Variants in ALG8 observed in about 807,000 individuals in gnomAD.
The protein encoded by ALG8 is ALG8 alpha-1,3-glucosyltransferase, also known as dolichyl pyrophosphate Glc1Man9GlcNAc2 alpha-1,3-glucosyltransferase.
A neutral mutation model predicts 70.2 loss-of-function variants in ALG8; 48 were observed. That is an observed-to-expected ratio of 0.68 (90% CI 0.54 to 0.87). The LOEUF is 0.87. ALG8 is among the 40% of genes least tolerant of loss of function. The pLI, the probability that ALG8 is intolerant of heterozygous loss-of-function variation, is 0.00. For missense variants in ALG8, 572 were observed against 608.7 expected (o/e 0.94, Z 0.64); for synonymous variants, 234 against 229.0 (o/e 1.02, Z -0.20).
chr11:78,105,954 C>T (rs777693749), intron 10 of ALG8, among the ~76,000 whole-genome samples: 16 of 151,994 alleles, frequency 1.1e-4, no homozygotes, highest in Non-Finnish European at 1.6e-4. Flanking sequence ...AGTGAACCAC[C>T]GCTTCAGCCT....
intron 5 of ALG8, among the ~76,000 whole-genome samples, chr11:78,115,727 T>G (rs1860532683): frequency 6.6e-6 from 1 of 152,200 alleles, no homozygotes; most frequent in Admixed American, 6.6e-5. Flanking sequence ...ATAAATTCAC[T>G]ATTCCAACAA....
At chr11:78,129,736 C>T (rs1861225608) in intron 1 of ALG8, among the ~76,000 whole-genome samples, 1 of 152,162 alleles carries the variant, frequency 6.6e-6, no homozygotes, top group Non-Finnish European at 1.5e-5. Flanking sequence ...GAAATTTGTG[C>T]TTGTATATTC....
chr11:78,107,257 G>A (rs754723353), intron 9 of ALG8, among the ~76,000 whole-genome samples: 1 of 147,290 alleles, frequency 6.8e-6, no homozygotes, highest in African/African-American at 2.5e-5. Flanking sequence ...GTCTCGCTTT[G>A]TTGCCAAGGC....
In ALG8 at chr11:78,119,257, T is replaced by G. The variant is rs978122618; in HGVS notation, c.479-8A>C. ...TGTACTGAAAATGAATATCTGGACT[T>G]AGGTCAAGGAAAGACAACAGAGGAC... is the stretch of plus-strand genomic sequence containing the variant. On this transcript the variant is annotated splice_region_variant and splice_polypyrimidine_tract_variant and intron_variant, in intron 4 of 12. Coordinates refer to ENST00000299626, the MANE Select transcript of ALG8 (RefSeq NM_024079.5). 3 of 1,606,864 alleles carry G rather than the reference T, an allele frequency of 1.9e-6. No individual in the cohort carries two copies. The highest frequency in any genetic ancestry group is 2.6e-6 in the Non-Finnish European group (3 of 1,173,698).
intron 1 of ALG8, among the ~76,000 whole-genome samples, chr11:78,132,158 T>C (rs682799): frequency 0.22 from 33,162 of 152,170 alleles, 4,471 homozygotes; most frequent in African/African-American, 0.38. Context: ...CCCTGTCATG[T>C]AGCCAGTATG....
intron 1 of ALG8, among the ~76,000 whole-genome samples, chr11:78,131,909 C>T (rs569247122): frequency 2.0e-5 from 3 of 152,336 alleles, no homozygotes; most frequent in East Asian, 1.9e-4. Flanking sequence ...TTCTAAATCA[C>T]GAATGTTATA....
In ALG8 at chr11:78,114,346, A is replaced by G; in HGVS notation, c.593T>C (p.Phe198Ser). ...GAFLFAVLLH[F>S]KHIYLYVAPA... Reference sequence around the variant, plus strand: ...TGCTACATAGAGGTAGATATGCTTGAAATGTAGGAGAACAGCAAAGAGAAA... The same window carrying G: ...TGCTACATAGAGGTAGATATGCTTGGAATGTAGGAGAACAGCAAAGAGAAA... Residue 198 changes from phenylalanine (F) to serine (S), a missense_variant, in exon 6 of 13, where the codon TTC (phenylalanine) becomes TCC (serine). Phe to Ser is a radical substitution (Grantham distance 155, BLOSUM62 -2). Transcript: ENST00000299626. The G allele has an allele frequency of 6.2e-7, 1 of 1,614,118 alleles. No homozygotes were observed.
chr11:78,131,959 A>G (rs1269482031), intron 1 of ALG8, among the ~76,000 whole-genome samples: 1 of 152,226 alleles, frequency 6.6e-6, no homozygotes, highest in Non-Finnish European at 1.5e-5. Flanking sequence ...GATAAAATCT[A>G]AAGTACTCAA....
intron 12 of ALG8, 122 bp from the exon 13 acceptor site, chr11:78,101,317 A>G: frequency 1.2e-6 from 1 of 817,876 alleles, no homozygotes; most frequent in South Asian, 1.5e-5. Flanking sequence ...CCAAGGCCAG[A>G]GTCAAGAGTA....
In ALG8 at chr11:78,121,156, A is replaced by G. The variant is rs1335527199; in HGVS notation, c.387T>C (p.Asp129=). 1 of 1,613,292 alleles carries G rather than the reference A, an allele frequency of 6.2e-7. No homozygotes were observed. Among genetic ancestry groups the G allele is most frequent in the African/African-American group, 1.3e-5 (1 of 74,924 alleles). The change falls in exon 4 of 13, where the codon GAT becomes GAC. Residue 129 remains aspartate, a synonymous_variant. Coordinates refer to ENST00000299626, the MANE Select transcript of ALG8 (RefSeq NM_024079.5). The part of the protein sequence containing the change: ...YAVRECCKCI[D]GKKVGKELTE... ...TAAGTTCTTTACCCACTTTTTTTCC[A>G]TCAATGCATTTACAGCACCTACATT...
At chr11:78,132,207 T>C (rs1371627091) in intron 1 of ALG8, among the ~76,000 whole-genome samples, 1 of 152,216 alleles carries the variant, frequency 6.6e-6, no homozygotes, top group Non-Finnish European at 1.5e-5. Context: ...TCTGACTCCC[T>C]AGCTACGGCT....
chr11:78,139,224 G>A (rs1431372650), intron 1 of ALG8: 1 of 496,920 alleles, frequency 2.0e-6, no homozygotes, highest in Non-Finnish European at 3.7e-6. Flanking sequence ...TGGAGGCAGA[G>A]GTTCTTAACT....
At position 78,104,398 on chromosome 11, in the gene ALG8, T is replaced by A; in HGVS notation, c.1234A>T (p.Thr412Ser). Residue 412 changes from threonine to serine, a missense_variant, in exon 11 of 13, where the codon ACA becomes TCA. Transcript: ENST00000299626. ...DASIFLILTT[T>S]GHYSLFPLLF... ...AGAGGAAAGAGGGAATAATGTCCTG[T>A]TGTGGTCAGAATCAGAAAAATCGAA... 6.2e-7 allele frequency: 1 copy of A among 1,601,844 alleles called. No individual in the cohort carries two copies. The highest frequency in any genetic ancestry group is 8.5e-7 in the Non-Finnish European group (1 of 1,174,078).
At chr11:78,125,106 C>T (rs1305004353) in intron 2 of ALG8, among the ~76,000 whole-genome samples, 1 of 151,462 alleles carries the variant, frequency 6.6e-6, no homozygotes, top group Non-Finnish European at 1.5e-5. Context: ...GATCTTGGCT[C>T]ACTGTAAGCT....
At chr11:78,103,784 C>A (rs1388048732) in intron 12 of ALG8, among the ~76,000 whole-genome samples, 196 bp downstream of exon 12, 5 of 152,162 alleles carry the variant, frequency 3.3e-5, no homozygotes, top group Non-Finnish European at 7.3e-5. Flanking sequence ...AATACTCCCC[C>A]AAACTAAAGA....
intron 4 of ALG8, 42 bp downstream of exon 4, chr11:78,121,023 T>C: frequency 2.0e-6 from 3 of 1,465,950 alleles, no homozygotes; most frequent in Middle Eastern, 1.7e-4. Context: ...TTAGTATACA[T>C]CAGAATTAGT....
intron 10 of ALG8, among the ~76,000 whole-genome samples, chr11:78,106,345 G>A (rs1489823413): frequency 1.1e-4 from 17 of 152,056 alleles, no homozygotes; most frequent in Non-Finnish European, 2.5e-4. Flanking sequence ...CTACAGGCAT[G>A]TGCCACTATG....
chr11:78,107,076 A>T (rs1383938779), intron 9 of ALG8, 130 bp from the exon 10 acceptor site: 5 of 1,163,056 alleles, frequency 4.3e-6, no homozygotes, highest in Non-Finnish European at 6.1e-6. Context: ...CATGAAACCG[A>T]ATCATTCATC....
intron 1 of ALG8, among the ~76,000 whole-genome samples, chr11:78,132,558 C>T (rs1861348659): frequency 6.6e-6 from 1 of 152,326 alleles, no homozygotes; most frequent in South Asian, 2.1e-4. Context: ...GTGCATGTTT[C>T]TGTCTCTGTT....
Sources: allele counts gnomAD v4.1 joint callset (sites outside exome capture counted in the v4.1 genomes callset), GRCh38; gene constraint gnomAD v4.1.1; transcripts MANE v1.5; gene names NCBI Gene and HGNC (gene_info 2026-07-23, HGNC 2026-07-21).